The following SLC41A2 variants were observed in gnomAD, a reference collection of about 807,000 sequenced individuals.
SLC41A2 encodes solute carrier family 41 member 2.
In SLC41A2, 32 loss-of-function variants were observed where a neutral mutation model predicts 58.3. The ratio of observed to expected loss-of-function variants is 0.55; its 90% CI spans 0.41 to 0.74. SLC41A2 has a LOEUF of 0.74. Among genes scored for constraint, SLC41A2 ranks in the 30% least tolerant of loss-of-function variants. The probability of loss-of-function intolerance (pLI) is 0.00; values close to 1 mark genes in which losing one functional copy is unlikely to be tolerated. For synonymous variants in SLC41A2, 190 were observed against 235.0 expected, an observed-to-expected ratio of 0.81 and a Z score of 1.75; for missense variants, 514 against 680.6, an observed-to-expected ratio of 0.76 and a Z score of 2.72.
chr12:104,922,684 T>C (rs2046653681), intron 2 of SLC41A2, among the ~76,000 whole-genome samples: 1 of 152,160 alleles, frequency 6.6e-6, no homozygotes, highest in South Asian at 2.1e-4. Flanking sequence ...CAGACCTAAC[T>C]GATAATTAGA....
intron 6 of SLC41A2, among the ~76,000 whole-genome samples, chr12:104,885,819 C>T (rs1303411074): frequency 6.6e-6 from 1 of 151,820 alleles, no homozygotes; most frequent in Non-Finnish European, 1.5e-5. Context: ...CATGAAGCTA[C>T]TTATTGGTGT....
At chr12:104,816,248 A>C (rs1189560593) in intron 10 of SLC41A2, among the ~76,000 whole-genome samples, 1 of 152,180 alleles carries the variant, frequency 6.6e-6, no homozygotes, top group African/African-American at 2.4e-5. Context: ...ACAAGAACAC[A>C]AAAAAAGACC....
intron 1 of SLC41A2, 59 bp from the exon 2 acceptor site, chr12:104,928,753 T>A (rs1048488483): frequency 2.7e-6 from 1 of 375,624 alleles, no homozygotes; most frequent in African/African-American, 2.1e-5. Context: ...AGTATCAAGA[T>A]AGATACTTCA....
chr12:104,950,272 G>C (rs113671970), intron 1 of SLC41A2, among the ~76,000 whole-genome samples: 2,040 of 152,244 alleles, frequency 0.013, 46 homozygotes, highest in African/African-American at 0.046. Flanking sequence ...GACCTGGTAG[G>C]AGGTGGTTGG....
intron 10 of SLC41A2, among the ~76,000 whole-genome samples, chr12:104,833,061 G>A (rs1189036474): frequency 1.3e-5 from 2 of 152,176 alleles, no homozygotes; most frequent in African/African-American, 2.4e-5. Flanking sequence ...ATCAACAACA[G>A]AGTTGAATGT....
chr12:104,812,561 T>C (rs2041220969), intron 10 of SLC41A2, among the ~76,000 whole-genome samples: 1 of 151,798 alleles, frequency 6.6e-6, no homozygotes, highest in Non-Finnish European at 1.5e-5. Flanking sequence ...ACTCAGAAAA[T>C]ATTTCTCCCA....
intron 10 of SLC41A2, among the ~76,000 whole-genome samples, chr12:104,831,699 C>T (rs2042041201): frequency 6.6e-6 from 1 of 152,084 alleles, no homozygotes; most frequent in African/African-American, 2.4e-5. Flanking sequence ...AGATAGAGAA[C>T]CTTGTCAGGT....
intron 10 of SLC41A2, among the ~76,000 whole-genome samples, chr12:104,832,558 AAC>A (rs2042076407): frequency 6.6e-6 from 1 of 152,214 alleles, no homozygotes; most frequent in Admixed American, 6.5e-5. Context: ...TACAGTAAAT[AAC>A]ACAGTCCAAG....
chr12:104,844,807 T>C (rs1592981475), intron 9 of SLC41A2, among the ~76,000 whole-genome samples, 187 bp from the exon 10 acceptor site: 1 of 152,304 alleles, frequency 6.6e-6, no homozygotes, highest in East Asian at 1.9e-4. Context: ...CCACTATATA[T>C]GTTAATTAAA....
intron 3 of SLC41A2, among the ~76,000 whole-genome samples, chr12:104,901,330 T>C (rs1320410748): frequency 6.6e-6 from 1 of 152,114 alleles, no homozygotes; most frequent in Non-Finnish European, 1.5e-5. Context: ...CTGTACTTGA[T>C]TCATTTTCCA....
chr12:104,924,996 T>C (rs2046773227), intron 2 of SLC41A2, among the ~76,000 whole-genome samples: 1 of 152,024 alleles, frequency 6.6e-6, no homozygotes, highest in South Asian at 2.1e-4. Context: ...GGATACACAC[T>C]TATAAAGACA....
intron 10 of SLC41A2, among the ~76,000 whole-genome samples, chr12:104,825,750 C>T (rs1041279630): frequency 2.6e-5 from 4 of 152,094 alleles, no homozygotes; most frequent in Admixed American, 2.0e-4. Context: ...AAACCAGGTG[C>T]GAGGGATTCA....
intron 6 of SLC41A2, among the ~76,000 whole-genome samples, chr12:104,872,525 G>A (rs2043838704): frequency 6.6e-6 from 1 of 152,212 alleles, no homozygotes; most frequent in African/African-American, 2.4e-5. Flanking sequence ...CTTGAGATCA[G>A]GAGTTCAAGA....
At chr12:104,951,980 T>C (rs563557808) in intron 1 of SLC41A2, among the ~76,000 whole-genome samples, 7 of 152,146 alleles carry the variant, frequency 4.6e-5, no homozygotes, top group African/African-American at 1.7e-4. Flanking sequence ...CTGTACTCCC[T>C]GGGAAAACAT....
At position 104,939,875 on chromosome 12, in the gene SLC41A2, CAT is replaced by C. The variant is rs145231622; in HGVS notation, c.-167-11183_-167-11182del. ...AAGATCCACAGTACTATCAGACACA[CAT>C]ACACACATACAGACACACCTAGAAA... On this transcript the variant is annotated intron_variant, in intron 1 of 10. Transcript: ENST00000258538. 2.8e-3 allele frequency among the ~76,000 whole-genome samples: 432 copies of C among 152,304 alleles called. 9 individuals carry two copies. The East Asian group carries it at 0.05, about 18-fold the overall frequency.
intron 2 of SLC41A2, 37 bp from the exon 3 acceptor site, chr12:104,909,799 T>G: frequency 7.1e-7 from 1 of 1,401,098 alleles, no homozygotes. Flanking sequence ...TTTCTGGCAC[T>G]CTTTAAAAAA....
intron 1 of SLC41A2, among the ~76,000 whole-genome samples, chr12:104,940,053 G>GC (rs764562161): frequency 3.5e-4 from 53 of 149,974 alleles, no homozygotes; most frequent in Non-Finnish European, 6.5e-4. Context: ...CACTCTTTTT[G>GC]CCCAGGCTGG....
At chr12:104,866,653 A>T (rs907136917) in intron 6 of SLC41A2, 74 bp from the exon 7 acceptor site, 3 of 1,269,960 alleles carry the variant, frequency 2.4e-6, no homozygotes, top group Admixed American at 5.1e-5. Context: ...CTAAATTATC[A>T]AAGTTTACTA....
intron 1 of SLC41A2, among the ~76,000 whole-genome samples, chr12:104,936,851 CAA>C (rs1208948043): frequency 6.6e-6 from 1 of 151,868 alleles, no homozygotes; most frequent in Non-Finnish European, 1.5e-5. Flanking sequence ...AATAAGGAAA[CAA>C]AGAAGGAAAA....
Sources: gnomAD v4.1 joint callset for allele counts (sites outside exome capture counted in the v4.1 genomes callset) on GRCh38, gnomAD v4.1.1 for gene constraint, MANE v1.5 for transcripts, NCBI Gene and HGNC (gene_info 2026-07-23, HGNC 2026-07-21) for gene names.